PROM2: variants seen among roughly 807,000 people sequenced by gnomAD.
PROM2 encodes prominin-2.
A neutral mutation model predicts 110.2 loss-of-function variants in PROM2; 90 were observed. The ratio of observed to expected loss-of-function variants is 0.82; its 90% CI spans 0.69 to 0.97. PROM2 has a LOEUF of 0.97. Ranked by LOEUF, PROM2 falls within the 50% of genes least tolerant of loss-of-function variation. PROM2 has a pLI of 0.00. For synonymous variants in PROM2, 470 were observed against 467.8 expected (o/e 1.00, Z -0.06); for missense variants, 1,009 against 1,074.8 (o/e 0.94, Z 0.86).
intron 10 of PROM2, among the ~76,000 whole-genome samples, 176 bp downstream of exon 10, chr2:95,279,320 C>T (rs528131406): frequency 2.0e-5 from 3 of 148,664 alleles, no homozygotes; most frequent in South Asian, 2.1e-4. Context: ...TTTTTTGAGA[C>T]GGTGTCTTGC....
Position 95,282,051 on chromosome 2 carries a change from G to C in PROM2, c.1643+35G>C, listed in dbSNP as rs146005634. On this transcript the variant is annotated intron_variant, in intron 13 of 23. Coordinates refer to ENST00000317620, the MANE Select transcript of PROM2 (RefSeq NM_001165978.3). ...CAGCCTGGGCAGAGCTGGGACCGGG[G>C]AAGGAAGGAGGAGGGCCGGTGTCCC... The C allele has an allele frequency of 2.9e-5, 47 of 1,611,974 alleles. No homozygotes were observed. In the African/African-American group the frequency reaches 4.4e-4, roughly 15 times the overall value.
Position 95,276,531 on chromosome 2 carries a change from G to T in PROM2, c.619-63G>T. On this transcript the variant is annotated intron_variant, in intron 4 of 23. Transcript: ENST00000317620. This position sits in a 1 kb window ranked among gnomAD's most constrained non-coding sequence, Gnocchi z 4.6. ...ATAGGGGCAGGGAAGGGGCCAGGGA[G>T]AGAAGGGCGTAAGGACTGTGGGTGA... 1 of 1,611,148 alleles carries T rather than the reference G, an allele frequency of 6.2e-7. No individual in the cohort carries two copies. Among genetic ancestry groups the T allele is most frequent in the Non-Finnish European group, 8.5e-7 (1 of 1,177,594 alleles).
chr2:95,281,403 G>C (rs1221052919), intron 12 of PROM2, 38 bp downstream of exon 12: 4 of 1,588,248 alleles, frequency 2.5e-6, no homozygotes. Context: ...CCTGGGGAGA[G>C]AGGTGGGGGG....
chr2:95,281,138 C>CCAA (rs1224047043), intron 11 of PROM2, 104 bp from the exon 12 acceptor site: 1 of 1,484,836 alleles, frequency 6.7e-7, no homozygotes, highest in African/African-American at 1.4e-5. Context: ...TGTGCTGGGG[C>CCAA]CAACTGGCTG....
chr2:95,278,919 C>T (rs927850154), intron 9 of PROM2, 66 bp from the exon 10 acceptor site: 265 of 1,599,728 alleles, frequency 1.7e-4, no homozygotes, highest in Non-Finnish European at 2.2e-4. Flanking sequence ...TCTTCCTGCC[C>T]GCTTGTCTTG....
chr2:95,276,676 G>A lies in PROM2; in HGVS notation c.682+19G>A, dbSNP rs556145236. ...CTGGATGGTGAGGGTCTCGGGGACT[G>A]GCAGGTGGGCTGGCTCCTTCCAGGG... On this transcript the variant is annotated intron_variant, in intron 5 of 23. Transcript: ENST00000317620. The surrounding 1 kb of genome is among the most constrained non-coding windows in gnomAD (Gnocchi z 4.6). 2.5e-6 allele frequency: 4 copies of A among 1,612,114 alleles called. No homozygotes were observed. The highest frequency in any genetic ancestry group is 3.4e-6 in the Non-Finnish European group (4 of 1,179,860).
At chr2:95,274,987 C>A in intron 1 of PROM2, 158 bp downstream of exon 1, 1 of 886,490 alleles carries the variant, frequency 1.1e-6, no homozygotes, top group Non-Finnish European at 1.6e-6. Flanking sequence ...CCAGAACCTG[C>A]TGTGTGACTG....
Position 95,276,366 on chromosome 2 carries a change from C to A in PROM2, c.618+19C>A, listed in dbSNP as rs766202685. 28 of 1,611,506 alleles carry A rather than the reference C, an allele frequency of 1.7e-5. No homozygotes were observed. The highest frequency in any genetic ancestry group is 2.4e-5 in the Non-Finnish European group (28 of 1,178,884). ...CCCCCAAGTGAGCACTGTTACCCCT[C>A]ACCCTCATGTGCCCCTGTGAGCACT... On this transcript the variant is annotated intron_variant, in intron 4 of 23. Coordinates refer to ENST00000317620, the MANE Select transcript of PROM2 (RefSeq NM_001165978.3). The surrounding 1 kb of genome is among the most constrained non-coding windows in gnomAD (Gnocchi z 4.6).
chr2:95,276,212 C>T lies in PROM2; in HGVS notation c.498-15C>T. On this transcript the variant is annotated splice_polypyrimidine_tract_variant and intron_variant, in intron 3 of 23. Coordinates refer to ENST00000317620, the MANE Select transcript of PROM2 (RefSeq NM_001165978.3). This position sits in a 1 kb window ranked among gnomAD's most constrained non-coding sequence, Gnocchi z 4.6. ...TTACCCAGCAAGCACCTTCCTCCTC[C>T]CTCCATTCCCACAGGATTGGTGTGG... is the stretch of plus-strand genomic sequence containing the variant. 1 of 1,613,928 alleles carries T rather than the reference C, an allele frequency of 6.2e-7. No individual in the cohort carries two copies.
chr2:95,281,248 G>T lies in PROM2; in HGVS notation c.1434G>T (p.Val478=). ...TGCCTCTCGCCTACCCCAGAGGTGT[G>T]GGCCTCAGCTTCCTCTTTGCTGCAC... ...EAGARFLMAG[V]GLSFLFAAPL... The change falls in exon 12 of 24, where the codon GTG becomes GTT. Residue 478 remains valine, a synonymous_variant. Coordinates refer to ENST00000317620, the MANE Select transcript of PROM2 (RefSeq NM_001165978.3). The T allele has an allele frequency of 6.2e-7, 1 of 1,612,616 alleles. No homozygotes were observed. The highest frequency in any genetic ancestry group is 8.5e-7 in the Non-Finnish European group (1 of 1,179,944).
intron 22 of PROM2, 41 bp from the exon 23 acceptor site, chr2:95,288,891 TG>T: frequency 1.3e-6 from 2 of 1,590,838 alleles, no homozygotes; most frequent in Non-Finnish European, 8.6e-7. Flanking sequence ...GCTGAGGGTC[TG>T]GGGGGAAGGG....
At chr2:95,285,213 T>A (rs1677282573) in intron 15 of PROM2, 98 bp downstream of exon 15, 1 of 1,331,416 alleles carries the variant, frequency 7.5e-7, no homozygotes, top group African/African-American at 1.5e-5. Flanking sequence ...TTGTCCCAGC[T>A]CTGGCTCTTC....
chr2:95,279,168 T>TTG, intron 10 of PROM2, 24 bp downstream of exon 10: 2 of 230,664 alleles, frequency 8.7e-6, no homozygotes, highest in East Asian at 8.6e-5. Flanking sequence ...CAGGGTGGGA[T>TTG]GGGGTGGGGT....
At position 95,288,938 on chromosome 2, in the gene PROM2, C is replaced by T; in HGVS notation, c.2447C>T (p.Thr816Ile). The T allele has an allele frequency of 6.2e-7, 1 of 1,614,092 alleles. No individual in the cohort carries two copies. The highest frequency in any genetic ancestry group is 8.5e-7 in the Non-Finnish European group (1 of 1,179,944). Residue 816 changes from threonine to isoleucine, a missense_variant, in exon 23 of 24, where the codon ACC becomes ATC. By Grantham distance (89) the Thr-to-Ile change is moderately conservative (BLOSUM62 -1). Transcript: ENST00000317620. ...FRPIRKRLSS[T>I]SSEETQLFHI... ...CTCTGTCTTTGACACTGCAGCTCCA[C>T]CAGCTCTGAGGAGACTCAGCTCTTC...
chr2:95,276,115 G>A lies in PROM2; in HGVS notation c.480G>A (p.Leu160=). The A allele has an allele frequency of 1.2e-6, 2 of 1,611,846 alleles. No homozygotes were observed. The highest frequency in any genetic ancestry group is 1.7e-6 in the Non-Finnish European group (2 of 1,179,582). ...ERAALMVFLL[L]TTLLLLIGVV... ...CGGCCCTCATGGTCTTCCTGCTGCT[G>A]ACCACCCTCTTGCTGCTGTAAGGCG... Residue 160 remains leucine (L), a synonymous_variant, in exon 3 of 24, where the codon CTG becomes CTA. Coordinates refer to ENST00000317620, the MANE Select transcript of PROM2 (RefSeq NM_001165978.3). The surrounding 1 kb of genome is among the most constrained non-coding windows in gnomAD (Gnocchi z 4.6).
chr2:95,282,965 T>A (rs1219167444), intron 14 of PROM2, among the ~76,000 whole-genome samples: 1 of 152,128 alleles, frequency 6.6e-6, no homozygotes, highest in African/African-American at 2.4e-5. Flanking sequence ...TGATTTTGCA[T>A]CGTTCTGGGA....
Position 95,275,051 on chromosome 2 carries a change from G to A in PROM2, c.244+222G>A, listed in dbSNP as rs150094189. 15 of 526,730 alleles carry A rather than the reference G, an allele frequency of 2.8e-5. No homozygotes were observed. The highest frequency in any genetic ancestry group is 4.5e-5 in the Non-Finnish European group (14 of 310,672). The allele number at this position is 526,730 out of a possible 1,614,324, so 32.6% of individuals were successfully genotyped here. A position where few individuals can be genotyped will look rare whatever the true frequency, so the allele number is the denominator to read the frequency against. ...TCAGGTGCTCTGTCTGTAAAGTGAG[G>A]AGGTTACATTGGAAATACATTAGAC... On this transcript the variant is annotated intron_variant, in intron 1 of 23. Coordinates refer to ENST00000317620, the MANE Select transcript of PROM2 (RefSeq NM_001165978.3). This position sits in a 1 kb window ranked among gnomAD's most constrained non-coding sequence, Gnocchi z 4.4.
chr2:95,287,565 AC>A, intron 20 of PROM2, 101 bp downstream of exon 20: 1 of 1,200,590 alleles, frequency 8.3e-7, no homozygotes, highest in Non-Finnish European at 1.2e-6. Flanking sequence ...CTTGGGGGTG[AC>A]CCAGGCCTTC....
Position 95,276,204 on chromosome 2 carries a change from T to C in PROM2, c.498-23T>C. 6.2e-7 allele frequency: 1 copy of C among 1,613,694 alleles called. No individual in the cohort carries two copies. Among genetic ancestry groups the C allele is most frequent in the Non-Finnish European group, 8.5e-7 (1 of 1,179,918 alleles). On this transcript the variant is annotated intron_variant, in intron 3 of 23. Transcript: ENST00000317620. This position sits in a 1 kb window ranked among gnomAD's most constrained non-coding sequence, Gnocchi z 4.6. ...GCTCCCTCTTACCCAGCAAGCACCT[T>C]CCTCCTCCCTCCATTCCCACAGGAT... is the stretch of plus-strand genomic sequence containing the variant.
Sources: gnomAD v4.1 joint callset for allele counts (sites outside exome capture counted in the v4.1 genomes callset) on GRCh38, gnomAD v4.1.1 for gene constraint, Gnocchi (gnomAD v3.1) non-coding constraint, MANE v1.5 for transcripts, NCBI Gene and HGNC (gene_info 2026-07-23, HGNC 2026-07-21) for gene names.